The following PTPRD variants were observed in gnomAD, a reference collection of about 807,000 sequenced individuals.
PTPRD encodes the protein receptor-type tyrosine-protein phosphatase delta.
Under a neutral mutation model 214.5 loss-of-function variants are expected in PTPRD, and 34 were observed. The observed-to-expected ratio is 0.16, with a 90% CI of 0.12 to 0.21. The LOEUF is 0.21. Ranked by LOEUF, PTPRD falls within the 10% of genes least tolerant of loss-of-function variation. The pLI is 1.00. For missense variants in PTPRD, 2,545 were observed against 2,398.7 expected (o/e 1.06, Z -1.27); for synonymous variants, 1,128 against 845.7 (o/e 1.33, Z -5.79).
At chr9:10,353,158 C>T (rs376032321) in intron 2 of PTPRD, among the ~76,000 whole-genome samples, 6 of 151,950 alleles carry the variant, frequency 3.9e-5, no homozygotes, top group East Asian at 1.9e-4. Flanking sequence ...TCTATATACT[C>T]GGCTAAATCA....
intron 10 of PTPRD, among the ~76,000 whole-genome samples, chr9:9,093,730 A>G (rs552247897): frequency 6.6e-6 from 1 of 151,868 alleles, no homozygotes; most frequent in Admixed American, 6.6e-5. Flanking sequence ...AACTGCTTCT[A>G]TTAGAAAAGG....
chr9:8,629,075 TTGAGA>T (rs1001174534), intron 14 of PTPRD, among the ~76,000 whole-genome samples: 6 of 151,718 alleles, frequency 4.0e-5, no homozygotes, highest in African/African-American at 1.2e-4. Context: ...TACATGCTGT[TTGAGA>T]TAAGAGCAAA....
At chr9:8,350,540 G>C (rs2075161210) in intron 39 of PTPRD, among the ~76,000 whole-genome samples, 1 of 152,130 alleles carries the variant, frequency 6.6e-6, no homozygotes. Context: ...TAATAAAACT[G>C]TGATGTGACT....
At chr9:9,966,190 T>G (rs1280945069) in intron 4 of PTPRD, among the ~76,000 whole-genome samples, 1 of 152,122 alleles carries the variant, frequency 6.6e-6, no homozygotes, top group Non-Finnish European at 1.5e-5. Context: ...GGACAGAAAC[T>G]AAAGACCTAA....
At chr9:9,808,839 A>G (rs2046253730) in intron 5 of PTPRD, among the ~76,000 whole-genome samples, 2 of 152,106 alleles carry the variant, frequency 1.3e-5, no homozygotes, top group Admixed American at 1.3e-4. Context: ...TGGCTCAATC[A>G]TAGCTCACTG....
At chr9:9,420,757 C>A (rs536594848) in intron 8 of PTPRD, among the ~76,000 whole-genome samples, 1 of 151,850 alleles carries the variant, frequency 6.6e-6, no homozygotes, top group Non-Finnish European at 1.5e-5. Context: ...ATATTTATGA[C>A]ATGGAAAGAT....
intron 5 of PTPRD, among the ~76,000 whole-genome samples, chr9:9,922,696 A>C (rs1377531889): frequency 2.0e-5 from 3 of 152,142 alleles, no homozygotes; most frequent in Non-Finnish European, 2.9e-5. Flanking sequence ...GAAAAGTATG[A>C]AAAATAAAAT....
At chr9:9,376,338 A>G (rs2060800202) in intron 9 of PTPRD, among the ~76,000 whole-genome samples, 1 of 152,152 alleles carries the variant, frequency 6.6e-6, no homozygotes, top group Non-Finnish European at 1.5e-5. Flanking sequence ...ACCCTCCTAT[A>G]AAATTTGACT....
At chr9:8,385,738 T>C (rs1313643512) in intron 37 of PTPRD, among the ~76,000 whole-genome samples, 1 of 152,182 alleles carries the variant, frequency 6.6e-6, no homozygotes, top group Non-Finnish European at 1.5e-5. Flanking sequence ...TTATAGTCAA[T>C]GTAGCAGCCG....
intron 11 of PTPRD, among the ~76,000 whole-genome samples, chr9:8,762,440 T>C (rs931583693): frequency 6.6e-6 from 1 of 152,116 alleles, no homozygotes; most frequent in Non-Finnish European, 1.5e-5. Context: ...CAAATAATAA[T>C]AAATAATGAG....
intron 35 of PTPRD, among the ~76,000 whole-genome samples, chr9:8,430,734 A>T (rs1479247066): frequency 6.6e-6 from 1 of 152,132 alleles, no homozygotes; most frequent in Admixed American, 6.5e-5. Context: ...CTATGAGACT[A>T]CCAGAACGTT....
At chr9:9,637,190 G>A (rs760214779) in intron 7 of PTPRD, among the ~76,000 whole-genome samples, 11 of 152,040 alleles carry the variant, frequency 7.2e-5, no homozygotes, top group Middle Eastern at 3.2e-3. Flanking sequence ...CCAAATTTAT[G>A]TCATTTTCAC....
intron 5 of PTPRD, among the ~76,000 whole-genome samples, chr9:9,797,882 T>C (rs2099013982): frequency 6.6e-6 from 1 of 152,036 alleles, no homozygotes; most frequent in Non-Finnish European, 1.5e-5. Flanking sequence ...TCATCCTCTG[T>C]CATAAAATTG....
chr9:8,319,698 C>A, intron 45 of PTPRD, 133 bp downstream of exon 45: 1 of 1,129,056 alleles, frequency 8.9e-7, no homozygotes. Flanking sequence ...AAATGAGGTT[C>A]AAAATTATTA....
intron 3 of PTPRD, among the ~76,000 whole-genome samples, chr9:10,111,229 C>CTTTTTTTTT (rs34045121): frequency 4.2e-5 from 3 of 72,150 alleles, no homozygotes; most frequent in Admixed American, 2.0e-4. Context: ...AGTTTAGTTT[C>CTTTTTTTTT]TTTTTTTTTT....
chr9:10,178,924 A>T (rs1255434703), intron 3 of PTPRD, among the ~76,000 whole-genome samples: 1 of 152,006 alleles, frequency 6.6e-6, no homozygotes, highest in Non-Finnish European at 1.5e-5. Context: ...AGTCACAAAA[A>T]AGTAATAAAT....
At chr9:9,333,980 T>G (rs2043404955) in intron 9 of PTPRD, among the ~76,000 whole-genome samples, 1 of 151,904 alleles carries the variant, frequency 6.6e-6, no homozygotes, top group Non-Finnish European at 1.5e-5. Flanking sequence ...AGAATCTATG[T>G]GAGGGGGAGG....
At chr9:8,495,818 T>G (rs1489853225) in intron 26 of PTPRD, among the ~76,000 whole-genome samples, 1 of 152,158 alleles carries the variant, frequency 6.6e-6, no homozygotes, top group Non-Finnish European at 1.5e-5. Flanking sequence ...GTTACAAGAT[T>G]CCCAACAAGA....
chr9:8,815,821 T>C (rs753164807), intron 11 of PTPRD, among the ~76,000 whole-genome samples: 25 of 152,166 alleles, frequency 1.6e-4, no homozygotes, highest in Non-Finnish European at 2.9e-4. Flanking sequence ...AATGAAAAAA[T>C]GCAAACATGC....
Sources: allele counts gnomAD v4.1 joint callset (sites outside exome capture counted in the v4.1 genomes callset), GRCh38; gene constraint gnomAD v4.1.1; transcripts MANE v1.5; gene names NCBI Gene and HGNC (gene_info 2026-07-23, HGNC 2026-07-21).